The following LAPTM4B variants were observed in gnomAD, a reference collection of about 807,000 sequenced individuals.
LAPTM4B encodes lysosomal-associated transmembrane protein 4B.
In LAPTM4B, 26 loss-of-function variants were observed where a neutral mutation model predicts 28.5. The ratio of observed to expected loss-of-function variants is 0.91; its 90% CI spans 0.67 to 1.27. LAPTM4B has a LOEUF of 1.27. LAPTM4B is among the 50% of genes most tolerant of loss of function. The pLI is 0.00. For synonymous variants in LAPTM4B, 109 were observed against 106.4 expected (o/e 1.02, Z -0.15); for missense variants, 288 against 285.8 (o/e 1.01, Z -0.06).
At chr8:97,813,381 C>T (rs1816856731) in intron 2 of LAPTM4B, among the ~76,000 whole-genome samples, 1 of 152,254 alleles carries the variant, frequency 6.6e-6, no homozygotes, top group Non-Finnish European at 1.5e-5. Flanking sequence ...GTCTGCTCTT[C>T]ATCTTCTCCT....
intron 4 of LAPTM4B, among the ~76,000 whole-genome samples, chr8:97,816,516 T>C (rs2331659): frequency 0.46 from 69,019 of 151,330 alleles, 16,053 homozygotes; most frequent in East Asian, 0.57. Flanking sequence ...AGGCTGGTCT[T>C]GAACTCCTGA....
chr8:97,827,612 T>C (rs1036844509), intron 6 of LAPTM4B, among the ~76,000 whole-genome samples: 2 of 152,154 alleles, frequency 1.3e-5, no homozygotes, highest in African/African-American at 2.4e-5. Flanking sequence ...GAGGGGACAC[T>C]TTTGGGGATT....
At position 97,792,576 on chromosome 8, in the gene LAPTM4B, T is replaced by C. The variant is rs1342494493; in HGVS notation, c.100-12777T>C. 1.9e-4 allele frequency among the ~76,000 whole-genome samples: 28 copies of C among 150,948 alleles called. 1 individual carries two copies. The Admixed American group carries it at 1.9e-3, about 10-fold the overall frequency. ...AGCCTAACAGTCAATTTTTTTTTTA[T>C]TTTTTATTTTTTTCCTTTTTTGAGA... On this transcript the variant is annotated intron_variant, in intron 1 of 6. Transcript: ENST00000521545.
intron 6 of LAPTM4B, among the ~76,000 whole-genome samples, chr8:97,842,638 C>T (rs974796236): frequency 6.6e-5 from 10 of 152,098 alleles, no homozygotes; most frequent in African/African-American, 2.2e-4. Context: ...CCTGCCTCAG[C>T]CTCCAGAGTA....
Position 97,775,915 on chromosome 8 carries a change from G to T in LAPTM4B, c.-95G>T. 2 of 1,455,906 alleles carry T rather than the reference G, an allele frequency of 1.4e-6. No individual in the cohort carries two copies. Among genetic ancestry groups the T allele is most frequent in the Non-Finnish European group, 9.0e-7 (1 of 1,112,176 alleles). 90.2% of individuals were successfully genotyped at this position (1,455,906 alleles called of 1,614,324 possible). ...CGAGCGGGCCGGGAGCCGGAGCGGC[G>T]GAGGAGCCGGCAGCAGCGGCGCGGC... On this transcript the variant is annotated 5_prime_UTR_variant, in exon 1 of 7. Coordinates refer to ENST00000521545, the MANE Select transcript of LAPTM4B (RefSeq NM_018407.6).
chr8:97,848,582 G>A (rs532559845), intron 6 of LAPTM4B, among the ~76,000 whole-genome samples: 1 of 152,244 alleles, frequency 6.6e-6, no homozygotes, highest in Admixed American at 6.5e-5. Flanking sequence ...CACTTTGGGA[G>A]GCTGAAGTGG....
chr8:97,800,975 A>G (rs1053102531), intron 1 of LAPTM4B, among the ~76,000 whole-genome samples: 4 of 151,968 alleles, frequency 2.6e-5, no homozygotes, highest in Non-Finnish European at 2.9e-5. Context: ...ACAAGACTCC[A>G]TAAGTAGCCC....
At chr8:97,800,530 T>C (rs7824174) in intron 1 of LAPTM4B, among the ~76,000 whole-genome samples, 60,674 of 136,022 alleles carry the variant, frequency 0.45, 14,227 homozygotes, top group East Asian at 0.56. Flanking sequence ...AGTTTTCGCT[T>C]TTGTTGCCCA....
chr8:97,805,545 C>T (rs754742044), intron 2 of LAPTM4B, 81 bp downstream of exon 2: 37 of 791,502 alleles, frequency 4.7e-5, no homozygotes, highest in Non-Finnish European at 8.0e-5. Context: ...AATATAGACT[C>T]GTGAGTTCAT....
chr8:97,830,022 A>C (rs912384908), intron 6 of LAPTM4B, among the ~76,000 whole-genome samples: 1 of 152,108 alleles, frequency 6.6e-6, no homozygotes, highest in African/African-American at 2.4e-5. Flanking sequence ...AAAGTGAAGA[A>C]GATGTTCGGG....
chr8:97,776,175 G>C, intron 1 of LAPTM4B, 67 bp downstream of exon 1: 1 of 1,468,170 alleles, frequency 6.8e-7, no homozygotes. Flanking sequence ...CTTCTGGCCC[G>C]GCCTCGCGGT....
At chr8:97,850,863 G>A (rs956626662) in intron 6 of LAPTM4B, among the ~76,000 whole-genome samples, 3 of 150,272 alleles carry the variant, frequency 2.0e-5, no homozygotes, top group Non-Finnish European at 2.9e-5. Flanking sequence ...CAAGAAAGCC[G>A]AAATCAGCCA....
At chr8:97,849,089 G>A (rs1286525376) in intron 6 of LAPTM4B, among the ~76,000 whole-genome samples, 1 of 152,138 alleles carries the variant, frequency 6.6e-6, no homozygotes, top group Non-Finnish European at 1.5e-5. Context: ...TCCCTTCAGT[G>A]TTCACTGTAG....
At chr8:97,843,928 A>G (rs1037183343) in intron 6 of LAPTM4B, among the ~76,000 whole-genome samples, 1 of 152,254 alleles carries the variant, frequency 6.6e-6, no homozygotes, top group East Asian at 1.9e-4. Flanking sequence ...ATAAATTCCT[A>G]TTTTAGTTTA....
At chr8:97,783,603 C>G (rs145808312) in intron 1 of LAPTM4B, among the ~76,000 whole-genome samples, 1 of 152,168 alleles carries the variant, frequency 6.6e-6, no homozygotes, top group South Asian at 2.1e-4. Context: ...AAAGATTAAC[C>G]GAGAGATTGA....
chr8:97,818,677 C>T (rs1816958794), intron 4 of LAPTM4B, among the ~76,000 whole-genome samples: 1 of 152,060 alleles, frequency 6.6e-6, no homozygotes, highest in African/African-American at 2.4e-5. Flanking sequence ...GTTTCTGTCC[C>T]TTGCCCTGCA....
chr8:97,783,328 T>C (rs1409970474), intron 1 of LAPTM4B, among the ~76,000 whole-genome samples: 2 of 152,098 alleles, frequency 1.3e-5, no homozygotes, highest in Non-Finnish European at 1.5e-5. Context: ...AGTGCAGACC[T>C]GGTCTTTCAA....
chr8:97,777,717 T>A (rs1816248838), intron 1 of LAPTM4B, among the ~76,000 whole-genome samples: 1 of 152,244 alleles, frequency 6.6e-6, no homozygotes, highest in African/African-American at 2.4e-5. Context: ...TGTGGGTTCT[T>A]ACTGTGCAGT....
At chr8:97,776,620 T>C (rs1816221817) in intron 1 of LAPTM4B, among the ~76,000 whole-genome samples, 1 of 152,188 alleles carries the variant, frequency 6.6e-6, no homozygotes, top group Non-Finnish European at 1.5e-5. Context: ...GGCCTGCGCT[T>C]TCACGCCGTC....
Sources: gnomAD v4.1 joint callset for allele counts (sites outside exome capture counted in the v4.1 genomes callset) on GRCh38, gnomAD v4.1.1 for gene constraint, MANE v1.5 for transcripts, NCBI Gene and HGNC (gene_info 2026-07-23, HGNC 2026-07-21) for gene names.